The following COBL variants were observed in gnomAD, a reference collection of about 807,000 sequenced individuals.
COBL encodes cordon-bleu WH2 repeat protein.
In COBL, 51 loss-of-function variants were observed where a neutral mutation model predicts 98.8. The observed-to-expected ratio is 0.52, with a 90% CI of 0.41 to 0.65. COBL has a LOEUF of 0.65. Among genes scored for constraint, COBL ranks in the 30% least tolerant of loss-of-function variants. The probability of loss-of-function intolerance (pLI) is 0.00; values close to 1 mark genes in which losing one functional copy is unlikely to be tolerated. For synonymous variants in COBL, 634 were observed against 651.7 expected (o/e 0.97, Z 0.41); for missense variants, 1,617 against 1,617.5 (o/e 1.00, Z 0.01).
chr7:51,273,703 C>A (rs1193320220), intron 1 of COBL, among the ~76,000 whole-genome samples: 15 of 152,138 alleles, frequency 9.9e-5, no homozygotes, highest in Admixed American at 9.8e-4. Context: ...ACTCAAGATT[C>A]TAAAAATGAA....
intron 1 of COBL, among the ~76,000 whole-genome samples, chr7:51,269,620 C>T (rs1016505064): frequency 2.0e-5 from 3 of 152,238 alleles, no homozygotes; most frequent in African/African-American, 7.2e-5. Flanking sequence ...GGTAAACACA[C>T]AAGATACACT....
intron 6 of COBL, among the ~76,000 whole-genome samples, chr7:51,134,322 C>CCATT (rs1390219946): frequency 6.6e-6 from 1 of 152,296 alleles, no homozygotes; most frequent in East Asian, 1.9e-4. Context: ...GCATTCTGTG[C>CCATT]CAAATAAAAC....
intron 5 of COBL, among the ~76,000 whole-genome samples, chr7:51,159,527 T>C (rs1456417238): frequency 6.6e-6 from 1 of 152,216 alleles, no homozygotes; most frequent in Non-Finnish European, 1.5e-5. Context: ...TCTTGTTTTA[T>C]ACTTGTCTGA....
chr7:51,022,478 C>G (rs1390752300), intron 12 of COBL: 1 of 152,258 alleles, frequency 6.6e-6, no homozygotes, highest in Non-Finnish European at 1.5e-5. Context: ...ACGGCTTCAT[C>G]CAGGCCCGGC....
chr7:51,213,607 G>T (rs77925879), intron 2 of COBL, among the ~76,000 whole-genome samples: 4,733 of 152,212 alleles, frequency 0.031, 212 homozygotes, highest in South Asian at 0.15. Context: ...CAGGTGACCT[G>T]AGGAAGCCCA....
chr7:51,259,833 T>A (rs772659523), intron 1 of COBL: 25 of 754,428 alleles, frequency 3.3e-5, no homozygotes, highest in Non-Finnish European at 5.6e-5. Context: ...AAAATTTTCT[T>A]TAGGCGAAGT....
At chr7:51,133,494 A>G (rs986446262) in intron 6 of COBL, among the ~76,000 whole-genome samples, 1 of 152,162 alleles carries the variant, frequency 6.6e-6, no homozygotes, top group Non-Finnish European at 1.5e-5. Flanking sequence ...GGCAGCACTT[A>G]AGATGCAAAT....
intron 2 of COBL, among the ~76,000 whole-genome samples, chr7:51,194,079 T>C (rs1211987839): frequency 1.3e-5 from 2 of 152,142 alleles, no homozygotes; most frequent in Admixed American, 6.5e-5. Context: ...CCATTAGTTA[T>C]TTTTTCTGAT....
At chr7:51,222,663 G>A (rs1793760705) in intron 1 of COBL, among the ~76,000 whole-genome samples, 1 of 152,020 alleles carries the variant, frequency 6.6e-6, no homozygotes, top group Non-Finnish European at 1.5e-5. Flanking sequence ...TTGGTCTAGG[G>A]GTAGAGGCCC....
intron 6 of COBL, among the ~76,000 whole-genome samples, chr7:51,118,725 TC>T (rs1207238486): frequency 6.6e-6 from 1 of 152,122 alleles, no homozygotes; most frequent in East Asian, 1.9e-4. Flanking sequence ...TTCAATAACT[TC>T]CCCAAGGTTG....
intron 1 of COBL, among the ~76,000 whole-genome samples, chr7:51,271,530 C>T (rs958036083): frequency 3.9e-5 from 6 of 152,128 alleles, no homozygotes; most frequent in South Asian, 2.1e-4. Flanking sequence ...ACAGAGAAAG[C>T]GTAGCATGAG....
chr7:51,112,769 C>T (rs1796950833), intron 6 of COBL, among the ~76,000 whole-genome samples: 1 of 152,152 alleles, frequency 6.6e-6, no homozygotes. Flanking sequence ...TAGGTCAACG[C>T]TGCAGGCAGG....
At chr7:51,116,448 C>T (rs1797276409) in intron 6 of COBL, among the ~76,000 whole-genome samples, 1 of 152,046 alleles carries the variant, frequency 6.6e-6, no homozygotes, top group African/African-American at 2.4e-5. Flanking sequence ...GTCCATTTAC[C>T]CAGCCCTTCC....
At chr7:51,302,450 G>A (rs1584449039) in intron 1 of COBL, among the ~76,000 whole-genome samples, 2 of 152,050 alleles carry the variant, frequency 1.3e-5, no homozygotes, top group South Asian at 2.1e-4. Flanking sequence ...ATGTGGTGGT[G>A]CATGCCTGTA....
chr7:51,178,649 GCT>G (rs1318473435), intron 5 of COBL, among the ~76,000 whole-genome samples: 2 of 151,782 alleles, frequency 1.3e-5, no homozygotes, highest in African/African-American at 4.8e-5. Flanking sequence ...AGACAGTCTC[GCT>G]CTGTTGCCCA....
intron 2 of COBL, among the ~76,000 whole-genome samples, chr7:51,206,081 T>C (rs1018734357): frequency 6.6e-6 from 1 of 152,200 alleles, no homozygotes; most frequent in Non-Finnish European, 1.5e-5. Context: ...ACCTTGAACA[T>C]TGCTGGCAGG....
Position 51,028,615 on chromosome 7 carries a change from GTTCCGGCCCTCATGGTGGGCAGAC to G in COBL, c.2457_2480del (p.Lys819_Arg826del). ...GCTGGTTTCTCCCCTCCCCTAGGGG[GTTCCGGCCCTCATGGTGGGCAGAC>G]TTCTGCTGGGGCGATATTGGCTTGG... On this transcript the variant is annotated inframe_deletion, in exon 10 of 13. Coordinates refer to ENST00000265136, the MANE Select transcript of COBL (RefSeq NM_015198.5). 2 of 1,613,772 alleles carry G rather than the reference GTTCCGGCCCTCATGGTGGGCAGAC, an allele frequency of 1.2e-6. No individual in the cohort carries two copies. Among genetic ancestry groups the G allele is most frequent in the Non-Finnish European group, 1.7e-6 (2 of 1,179,814 alleles).
In COBL at chr7:51,136,912, C is replaced by T. The variant is rs145372700; in HGVS notation, c.784-581G>A. 3.6e-3 allele frequency among the ~76,000 whole-genome samples: 553 copies of T among 152,312 alleles called. 4 individuals are homozygous for T. Among genetic ancestry groups the T allele is most frequent in the African/African-American group, 0.013 (522 of 41,578 alleles). On this transcript the variant is annotated intron_variant, in intron 5 of 12. Transcript: ENST00000265136. ...TACTTAGTGACAGATACCCAATAAG[C>T]TGAAAGAAATACAAGCCAACACACT...
intron 6 of COBL, among the ~76,000 whole-genome samples, chr7:51,122,412 C>G (rs1797822487): frequency 6.6e-6 from 1 of 152,218 alleles, no homozygotes; most frequent in African/African-American, 2.4e-5. Flanking sequence ...GAACACAATG[C>G]TGTCCTCATC....
Sources: allele counts gnomAD v4.1 joint callset (sites outside exome capture counted in the v4.1 genomes callset), GRCh38; gene constraint gnomAD v4.1.1; transcripts MANE v1.5; gene names NCBI Gene and HGNC (gene_info 2026-07-23, HGNC 2026-07-21).